The following RBMS3 variants were observed in gnomAD, a reference collection of about 807,000 sequenced individuals.
RBMS3 encodes RNA binding motif single stranded interacting protein 3, also known as RNA-binding motif, single-stranded-interacting protein 3.
A neutral mutation model predicts 66.8 loss-of-function variants in RBMS3; 27 were observed. That is an observed-to-expected ratio of 0.40 (90% CI 0.30 to 0.56). The LOEUF (loss-of-function observed/expected upper bound fraction) is 0.56, where lower values mean the gene tolerates loss of function less well. Among genes scored for constraint, RBMS3 ranks in the 20% least tolerant of loss-of-function variants. The probability of loss-of-function intolerance (pLI) is 0.40; values close to 1 mark genes in which losing one functional copy is unlikely to be tolerated. For missense variants in RBMS3, 513 were observed against 549.5 expected, an observed-to-expected ratio of 0.93 and a Z score of 0.66; for synonymous variants, 188 against 183.0, an observed-to-expected ratio of 1.03 and a Z score of -0.22.
intron 11 of RBMS3, 112 bp from the exon 12 acceptor site, chr3:29,944,095 G>C: frequency 1.2e-6 from 1 of 852,244 alleles, no homozygotes; most frequent in Non-Finnish European, 1.9e-6. Context: ...AAGGCAGGGT[G>C]GGTCAGGCAA....
chr3:29,629,645 T>C (rs1476159795), intron 4 of RBMS3, among the ~76,000 whole-genome samples: 1 of 152,094 alleles, frequency 6.6e-6, no homozygotes, highest in African/African-American at 2.4e-5. Context: ...TTGTGAACTA[T>C]TTTTTCTTTC....
chr3:29,597,253 C>G (rs2047977043), intron 4 of RBMS3, among the ~76,000 whole-genome samples: 1 of 152,056 alleles, frequency 6.6e-6, no homozygotes, highest in African/African-American at 2.4e-5. Flanking sequence ...AACACAATAA[C>G]TAAAACATGT....
At chr3:29,567,196 A>G (rs1420304774) in intron 3 of RBMS3, among the ~76,000 whole-genome samples, 1 of 152,144 alleles carries the variant, frequency 6.6e-6, no homozygotes, top group Admixed American at 6.5e-5. Context: ...CTTAGAATAC[A>G]TAAAAGAACC....
chr3:29,917,260 G>A (rs2149646031), intron 10 of RBMS3, among the ~76,000 whole-genome samples: 1 of 152,188 alleles, frequency 6.6e-6, no homozygotes, highest in South Asian at 2.1e-4. Flanking sequence ...GGTAAAAATA[G>A]CAAGCAGGTG....
At chr3:29,517,049 T>C (rs1172687122) in intron 3 of RBMS3, among the ~76,000 whole-genome samples, 1 of 151,782 alleles carries the variant, frequency 6.6e-6, no homozygotes, top group Non-Finnish European at 1.5e-5. Context: ...CGATCTCTAC[T>C]AAAAATACCA....
intron 4 of RBMS3, among the ~76,000 whole-genome samples, chr3:29,604,228 A>G (rs1373210789): frequency 6.6e-6 from 1 of 151,986 alleles, no homozygotes; most frequent in Non-Finnish European, 1.5e-5. Context: ...TACATATTGT[A>G]ACTAGCAATA....
chr3:29,292,799 T>C (rs189955333), intron 1 of RBMS3, among the ~76,000 whole-genome samples: 1 of 151,970 alleles, frequency 6.6e-6, no homozygotes, highest in East Asian at 1.9e-4. Context: ...CAGGGCTCAA[T>C]GTACTTTTGA....
At chr3:29,546,917 C>T (rs188188639) in intron 3 of RBMS3, among the ~76,000 whole-genome samples, 1 of 152,308 alleles carries the variant, frequency 6.6e-6, no homozygotes, top group Admixed American at 6.5e-5. Flanking sequence ...CCGGTAACAA[C>T]AAATTATGCT....
intron 10 of RBMS3, among the ~76,000 whole-genome samples, chr3:29,927,364 A>C (rs1263828940): frequency 6.6e-6 from 1 of 152,186 alleles, no homozygotes; most frequent in African/African-American, 2.4e-5. Flanking sequence ...CACTCAGTCC[A>C]TTAGCACCAC....
intron 2 of RBMS3, among the ~76,000 whole-genome samples, chr3:29,468,615 C>G (rs759644879): frequency 6.6e-6 from 1 of 151,980 alleles, no homozygotes; most frequent in Non-Finnish European, 1.5e-5. Flanking sequence ...GTATTAACAC[C>G]GAAAACATGG....
intron 2 of RBMS3, among the ~76,000 whole-genome samples, chr3:29,477,604 C>T (rs143958476): frequency 0.014 from 2,173 of 151,756 alleles, 120 homozygotes; most frequent in Admixed American, 0.1. Flanking sequence ...ATTAATGATC[C>T]AATTGCCATC....
chr3:29,441,220 T>C (rs2041608490), intron 2 of RBMS3, among the ~76,000 whole-genome samples: 1 of 152,172 alleles, frequency 6.6e-6, no homozygotes, highest in African/African-American at 2.4e-5. Context: ...CAAAACACGA[T>C]GTTGGAATTC....
chr3:29,729,658 T>G (rs148525941), intron 4 of RBMS3, among the ~76,000 whole-genome samples: 2,371 of 152,274 alleles, frequency 0.016, 53 homozygotes, highest in African/African-American at 0.052. Flanking sequence ...TGTTGTTTCC[T>G]GACTTTTTAA....
At position 29,388,072 on chromosome 3, in the gene RBMS3, T is replaced by TAC. The variant is rs1362900185; in HGVS notation, c.76-46661_76-46660dup. Among the ~76,000 whole-genome samples the TAC allele has an allele frequency of 7.1e-5, 9 of 125,890 alleles. No homozygotes were observed. The East Asian group carries it at 1.3e-3, about 18-fold the overall frequency. The allele number at this position is 125,890 out of a possible 152,430, so 82.6% of individuals were successfully genotyped here. On this transcript the variant is annotated intron_variant, in intron 1 of 14. Transcript: ENST00000383767. ...AAATAACTTCCCCAACCAAACTGTC[T>TAC]ACACACACACAGACACACACACACA...
intron 3 of RBMS3, among the ~76,000 whole-genome samples, chr3:29,521,842 CTG>C (rs2044871894): frequency 6.6e-6 from 1 of 152,164 alleles, no homozygotes; most frequent in South Asian, 2.1e-4. Context: ...AAGCCTAACT[CTG>C]GAAATTTTTA....
intron 2 of RBMS3, among the ~76,000 whole-genome samples, chr3:29,445,775 A>G (rs569023141): frequency 2.6e-5 from 4 of 152,156 alleles, no homozygotes; most frequent in Non-Finnish European, 5.9e-5. Context: ...TTAAAAAACA[A>G]ATTTTTGTTT....
intron 1 of RBMS3, among the ~76,000 whole-genome samples, chr3:29,373,242 G>A (rs564924071): frequency 4.9e-4 from 75 of 152,264 alleles, no homozygotes; most frequent in African/African-American, 1.8e-3. Context: ...GGGCAATCCA[G>A]TGAGTTCTCA....
intron 4 of RBMS3, among the ~76,000 whole-genome samples, chr3:29,644,963 C>T (rs759837867): frequency 1.3e-5 from 2 of 152,132 alleles, no homozygotes; most frequent in Non-Finnish European, 2.9e-5. Context: ...AGTCACTAAT[C>T]CCTGTAGAAG....
intron 1 of RBMS3, among the ~76,000 whole-genome samples, chr3:29,359,768 G>A (rs55777937): frequency 0.075 from 11,396 of 152,128 alleles, 711 homozygotes; most frequent in African/African-American, 0.17. Flanking sequence ...TCCTGGTTTA[G>A]TCTTGGGAGG....
Sources: allele counts gnomAD v4.1 joint callset (sites outside exome capture counted in the v4.1 genomes callset), GRCh38; gene constraint gnomAD v4.1.1; transcripts MANE v1.5; gene names NCBI Gene and HGNC (gene_info 2026-07-23, HGNC 2026-07-21).